The following LAX1 variants were observed in gnomAD, a reference collection of about 807,000 sequenced individuals.
LAX1 encodes lymphocyte transmembrane adapter 1.
In LAX1, 17 loss-of-function variants were observed where a neutral mutation model predicts 20.7. The observed-to-expected ratio is 0.82, with a 90% CI of 0.56 to 1.23. LAX1 has a LOEUF of 1.23. Among genes scored for constraint, LAX1 ranks in the 50% most tolerant of loss-of-function variants. The pLI, the probability that LAX1 is intolerant of heterozygous loss-of-function variation, is 0.00. For missense variants in LAX1, 470 were observed against 487.0 expected, an observed-to-expected ratio of 0.97 and a Z score of 0.33; for synonymous variants, 165 against 181.0, an observed-to-expected ratio of 0.91 and a Z score of 0.71.
At chr1:203,773,343 A>G (rs897066181) in intron 4 of LAX1, among the ~76,000 whole-genome samples, 1 of 152,076 alleles carries the variant, frequency 6.6e-6, no homozygotes, top group Non-Finnish European at 1.5e-5. Flanking sequence ...AATCCCAGCT[A>G]CTCAGGAGGT....
chr1:203,767,379 G>A (rs1667323428), intron 1 of LAX1, among the ~76,000 whole-genome samples: 1 of 136,878 alleles, frequency 7.3e-6, no homozygotes, highest in South Asian at 2.4e-4. Flanking sequence ...GCAATCTAGG[G>A]TCACTGCAAC....
Position 203,774,518 on chromosome 1 carries a change from A to G in LAX1, c.1034A>G (p.Tyr345Cys). The G allele has an allele frequency of 6.2e-7, 1 of 1,614,224 alleles. No individual in the cohort carries two copies. Among genetic ancestry groups the G allele is most frequent in the African/African-American group, 1.3e-5 (1 of 75,066 alleles). The change falls in exon 5 of 5, where the codon TAT (tyrosine) becomes TGT (cysteine). Residue 345 changes from tyrosine (Y) to cysteine (C), a missense_variant. Coordinates refer to ENST00000442561, the MANE Select transcript of LAX1 (RefSeq NM_017773.4). ...VKRTFLASGDYADFQPFTQSE... is the reference protein window; with the variant it reads ...VKRTFLASGDCADFQPFTQSE... The stretch of plus-strand genomic sequence containing the variant: ...AGGACATTCCTTGCTTCAGGGGATT[A>G]TGCAGACTTTCAGCCATTCACACAG...
At chr1:203,769,459 AAAAG>A (rs72279107) in intron 1 of LAX1, among the ~76,000 whole-genome samples, 26,587 of 97,370 alleles carry the variant, frequency 0.27, 3,423 homozygotes, top group Non-Finnish European at 0.4. Flanking sequence ...GAAAGAAAAG[AAAAG>A]AAAGAAAGTT....
chr1:203,774,997 T>G lies in LAX1; in HGVS notation c.*316T>G, dbSNP rs890862569. On this transcript the variant is annotated 3_prime_UTR_variant, in exon 5 of 5. Coordinates refer to ENST00000442561, the MANE Select transcript of LAX1 (RefSeq NM_017773.4). ...AGTAGTCTAAGATTATTACCTTCATTAATACCAACAGGCTGCAAAGCAAGA... is the reference window on the plus strand; with the variant it reads ...AGTAGTCTAAGATTATTACCTTCATGAATACCAACAGGCTGCAAAGCAAGA... 1 of 323,568 alleles carries G rather than the reference T, an allele frequency of 3.1e-6. No individual in the cohort carries two copies. The highest frequency in any genetic ancestry group is 4.6e-5 in the Admixed American group (1 of 21,904). 20.0% of individuals were successfully genotyped at this position (323,568 alleles called of 1,614,324 possible).
At chr1:203,771,824 G>A (rs551400617) in intron 3 of LAX1, among the ~76,000 whole-genome samples, 4 of 152,316 alleles carry the variant, frequency 2.6e-5, no homozygotes, top group African/African-American at 9.6e-5. Flanking sequence ...TTCTCACACA[G>A]GAGCTTGTTT....
In LAX1 at chr1:203,774,299, C is replaced by T; in HGVS notation, c.815C>T (p.Thr272Ile). ...SQISNDYVNM[T>I]GLDLSAIQER... The stretch of plus-strand genomic sequence containing the variant: ...ATCTCAAATGACTATGTCAACATGA[C>T]AGGGTTGGATCTCAGTGCCATCCAG... The change falls in exon 5 of 5, where the codon ACA becomes ATA. Residue 272 changes from threonine (T) to isoleucine (I), a missense_variant. Physicochemically the swap from Thr to Ile is moderately conservative, Grantham distance 89 (BLOSUM62 -1). Transcript: ENST00000442561. 6.2e-7 allele frequency: 1 copy of T among 1,614,154 alleles called. No individual in the cohort carries two copies. Among genetic ancestry groups the T allele is most frequent in the South Asian group, 1.1e-5 (1 of 91,088 alleles).
At position 203,765,504 on chromosome 1, in the gene LAX1, G is replaced by A; in HGVS notation, c.-62G>A. 1.2e-6 allele frequency: 2 copies of A among 1,606,738 alleles called. No individual in the cohort carries two copies. The highest frequency in any genetic ancestry group is 1.7e-6 in the Non-Finnish European group (2 of 1,175,868). On this transcript the variant is annotated 5_prime_UTR_variant, in exon 1 of 5. The change abolishes the stop of an existing upstream ORF in the 5' untranslated region. Coordinates refer to ENST00000442561, the MANE Select transcript of LAX1 (RefSeq NM_017773.4). Reference sequence around the variant, plus strand: ...GAAGTGGTAGACATGCTGGCTAACTGATTATGATTAAGAGAAACTTAGAAG... The same window carrying A: ...GAAGTGGTAGACATGCTGGCTAACTAATTATGATTAAGAGAAACTTAGAAG...
chr1:203,768,684 A>C (rs1336424927), intron 1 of LAX1, among the ~76,000 whole-genome samples: 1 of 152,170 alleles, frequency 6.6e-6, no homozygotes, highest in Admixed American at 6.6e-5. Flanking sequence ...AGCCGGGGAG[A>C]GTGATGAGTA....
chr1:203,767,706 T>A (rs887798854), intron 1 of LAX1, among the ~76,000 whole-genome samples: 2 of 152,228 alleles, frequency 1.3e-5, no homozygotes, highest in African/African-American at 4.8e-5. Flanking sequence ...CATTTGTTTA[T>A]TAATTCATTC....
At chr1:203,772,253 C>A in intron 4 of LAX1, 106 bp downstream of exon 4, 3 of 823,242 alleles carry the variant, frequency 3.6e-6, no homozygotes, top group Non-Finnish European at 4.1e-6. Flanking sequence ...ACAGCATGCC[C>A]TTTGGCACTC....
intron 1 of LAX1, among the ~76,000 whole-genome samples, chr1:203,768,000 G>C (rs1372742076): frequency 6.6e-6 from 1 of 151,890 alleles, no homozygotes; most frequent in Non-Finnish European, 1.5e-5. Context: ...AAACAGATAA[G>C]CATATGAATG....
At position 203,775,022 on chromosome 1, in the gene LAX1, A is replaced by G; in HGVS notation, c.*341A>G. On this transcript the variant is annotated 3_prime_UTR_variant, in exon 5 of 5. Coordinates refer to ENST00000442561, the MANE Select transcript of LAX1 (RefSeq NM_017773.4). ...TAATACCAACAGGCTGCAAAGCAAG[A>G]GTATAGATTATTGTATAATCCAGTC... 7.4e-6 allele frequency: 2 copies of G among 268,926 alleles called. No individual in the cohort carries two copies. Among genetic ancestry groups the G allele is most frequent in the Non-Finnish European group, 1.4e-5 (2 of 141,536 alleles). 16.7% of individuals were successfully genotyped at this position (268,926 alleles called of 1,614,324 possible).
In LAX1 at chr1:203,774,371, A is replaced by G. The variant is rs1667474413; in HGVS notation, c.887A>G (p.Asn296Ser). The change falls in exon 5 of 5, where the codon AAT (asparagine) becomes AGT (serine). Residue 296 changes from asparagine to serine, a missense_variant. Transcript: ENST00000442561. Reference protein sequence around the residue: ...VAFQCCRDYENVPAADPSGSQ... With the variant: ...VAFQCCRDYESVPAADPSGSQ... ...TTTCAGTGCTGCAGAGACTATGAAA[A>G]TGTTCCAGCAGCAGATCCCAGTGGA... is the stretch of plus-strand genomic sequence containing the variant. The G allele has an allele frequency of 6.2e-7, 1 of 1,614,178 alleles. No individual in the cohort carries two copies. The highest frequency in any genetic ancestry group is 1.3e-5 in the African/African-American group (1 of 75,034).
At chr1:203,771,597 G>T (rs1262134991) in intron 3 of LAX1, 120 bp downstream of exon 3, 2 of 728,378 alleles carry the variant, frequency 2.7e-6, no homozygotes, top group African/African-American at 1.7e-5. Flanking sequence ...CCTTCAGAGA[G>T]TATCAGGGAG....
rs1333799758 is a variant in LAX1, at chr1:203,771,400, C to T, written c.233C>T (p.Pro78Leu). 1 of 1,613,842 alleles carries T rather than the reference C, an allele frequency of 6.2e-7. No homozygotes were observed. Among genetic ancestry groups the T allele is most frequent in the Admixed American group, 1.7e-5 (1 of 60,016 alleles). ...QVPYLRVTVMPLLTLPQTRQR... is the reference protein window; with the variant it reads ...QVPYLRVTVMLLLTLPQTRQR... ...CCTTACCTCCGAGTTACCGTCATGC[C>T]CTTGCTGACTTTGCCACAAACCAGA... Residue 78 changes from proline to leucine, a missense_variant, in exon 3 of 5, where the codon CCC becomes CTC. By Grantham distance (98) the Pro-to-Leu change is moderately conservative. Coordinates refer to ENST00000442561, the MANE Select transcript of LAX1 (RefSeq NM_017773.4).
chr1:203,769,425 GA>G, intron 1 of LAX1, among the ~76,000 whole-genome samples: 1 of 98,940 alleles, frequency 1.0e-5, no homozygotes, highest in South Asian at 3.4e-4. Context: ...AAGAAAGAAA[GA>G]AAGAAAGAAA....
intron 1 of LAX1, among the ~76,000 whole-genome samples, chr1:203,768,128 T>C (rs1006648960): frequency 3.3e-5 from 5 of 152,010 alleles, no homozygotes; most frequent in Non-Finnish European, 5.9e-5. Flanking sequence ...CTGACGAATA[T>C]GATGAAACCC....
intron 1 of LAX1, among the ~76,000 whole-genome samples, chr1:203,766,335 A>G (rs1300812969): frequency 6.6e-6 from 1 of 152,070 alleles, no homozygotes; most frequent in Non-Finnish European, 1.5e-5. Context: ...AAATACAAAA[A>G]TTAGCCGGGA....
rs780839166 is a variant in LAX1 at position 203,765,283 on chromosome 1, C to A, written c.-283C>A. On this transcript the variant is annotated 5_prime_UTR_variant, in exon 1 of 5. Coordinates refer to ENST00000442561, the MANE Select transcript of LAX1 (RefSeq NM_017773.4). Reference sequence around the variant, plus strand: ...GTGCCCCTCACGTTTCCACCAGAAACGTGAAGGCAGAGGCCACAGATTCTC... The same window carrying A: ...GTGCCCCTCACGTTTCCACCAGAAAAGTGAAGGCAGAGGCCACAGATTCTC... 4.1e-6 allele frequency: 6 copies of A among 1,474,398 alleles called. No individual in the cohort carries two copies. The highest frequency in any genetic ancestry group is 5.6e-6 in the Non-Finnish European group (6 of 1,077,244). 91.3% of individuals were successfully genotyped at this position (1,474,398 alleles called of 1,614,324 possible).
Sources: allele counts gnomAD v4.1 joint callset (sites outside exome capture counted in the v4.1 genomes callset), GRCh38; gene constraint gnomAD v4.1.1; transcripts MANE v1.5; gene names NCBI Gene and HGNC (gene_info 2026-07-23, HGNC 2026-07-21).